Variants in MLIP observed in about 807,000 individuals in gnomAD.
MLIP encodes muscular LMNA interacting protein.
MLIP carries 79 observed loss-of-function variants against 84.8 expected under a neutral mutation model. The ratio of observed to expected loss-of-function variants is 0.93; its 90% confidence interval spans 0.78 to 1.12. MLIP has a LOEUF of 1.12. Among genes scored for constraint, MLIP ranks in the 50% most tolerant of loss-of-function variants. MLIP has a pLI of 0.00. For missense variants in MLIP, 1,257 were observed against 1,160.6 expected (o/e 1.08, Z -1.21); for synonymous variants, 504 against 463.0 (o/e 1.09, Z -1.14).
chr6:54,217,223 G>C (rs983415626), intron 11 of MLIP: 2 of 985,268 alleles, frequency 2.0e-6, no homozygotes, highest in Non-Finnish European at 2.4e-6. Context: ...GAGTGAAGAG[G>C]AAGTGAATTT....
intron 1 of MLIP, among the ~76,000 whole-genome samples, chr6:54,104,777 G>T (rs1414837175): frequency 3.3e-5 from 5 of 152,022 alleles, no homozygotes; most frequent in Non-Finnish European, 7.4e-5. Context: ...CTAAAAGAAG[G>T]CTCTGTGGAC....
At chr6:54,252,460 C>T (rs1427881899) in intron 12 of MLIP, among the ~76,000 whole-genome samples, 1 of 106,694 alleles carries the variant, frequency 9.4e-6, no homozygotes, top group Non-Finnish European at 1.9e-5. Context: ...TATATTATAA[C>T]ATATAATATA....
chr6:54,241,325 T>C (rs777652406), intron 12 of MLIP, among the ~76,000 whole-genome samples: 6 of 151,904 alleles, frequency 3.9e-5, no homozygotes, highest in Non-Finnish European at 7.4e-5. Flanking sequence ...TACTATAATA[T>C]AGTATATACT....
chr6:54,072,633 A>G (rs1766556148), intron 1 of MLIP, among the ~76,000 whole-genome samples: 1 of 152,104 alleles, frequency 6.6e-6, no homozygotes, highest in Non-Finnish European at 1.5e-5. Context: ...AATATTAGTA[A>G]TAGTATTCTG....
intron 1 of MLIP, among the ~76,000 whole-genome samples, chr6:54,035,751 T>C (rs967314074): frequency 6.6e-6 from 1 of 152,092 alleles, no homozygotes; most frequent in Non-Finnish European, 1.5e-5. Context: ...TTATTTGCCA[T>C]ATGTATATCT....
chr6:54,111,328 G>A (rs1448850087), upstream of MLIP: 19 of 1,312,488 alleles, frequency 1.4e-5, no homozygotes, highest in African/African-American at 9.0e-5. Context: ...TCTACTCTTC[G>A]GAGCTGACAC....
intron 12 of MLIP, among the ~76,000 whole-genome samples, chr6:54,252,597 A>C (rs1162586317): frequency 6.7e-6 from 1 of 149,664 alleles, no homozygotes; most frequent in African/African-American, 2.5e-5. Context: ...GATTATGTAC[A>C]TAATCATGAT....
intron 3 of MLIP, among the ~76,000 whole-genome samples, chr6:54,136,483 C>A (rs1197382312): frequency 6.6e-6 from 1 of 152,146 alleles, no homozygotes; most frequent in Non-Finnish European, 1.5e-5. Flanking sequence ...ACATTGATTT[C>A]ATTCTGTGGG....
chr6:54,217,195 G>A (rs967842765), intron 11 of MLIP: 149 of 985,278 alleles, frequency 1.5e-4, no homozygotes, highest in South Asian at 6.6e-4. Flanking sequence ...AAACCGCAGC[G>A]TGAAGAGGGG....
intron 12 of MLIP, among the ~76,000 whole-genome samples, chr6:54,249,778 CGT>C (rs1489059050): frequency 6.6e-6 from 1 of 151,546 alleles, no homozygotes; most frequent in Non-Finnish European, 1.5e-5. Flanking sequence ...CATGTATACA[CGT>C]GTGTGTATAT....
chr6:54,032,618 A>G (rs1764204041), intron 1 of MLIP, among the ~76,000 whole-genome samples: 1 of 152,060 alleles, frequency 6.6e-6, no homozygotes, highest in Non-Finnish European at 1.5e-5. Context: ...CAGTGGTGCA[A>G]TTTTGGCCCA....
Position 54,065,254 on chromosome 6 carries a change from G to T in MLIP, c.63+46163G>T, listed in dbSNP as rs1205248601. Reference sequence around the variant, plus strand: ...TTGATTCATGCTAAACGTCCAGAACGGTACCTGATAAATTCTTATATGTGT... The same window carrying T: ...TTGATTCATGCTAAACGTCCAGAACTGTACCTGATAAATTCTTATATGTGT... On this transcript the variant is annotated intron_variant, in intron 1 of 12. Coordinates refer to the MLIP transcript ENST00000274897. Among the ~76,000 whole-genome samples, 2 of 99,786 alleles carry T rather than the reference G, an allele frequency of 2.0e-5. 1 individual carries two copies. The highest frequency in any genetic ancestry group is 5.8e-5 in the Non-Finnish European group (2 of 34,712). The allele number at this position is 99,786 out of a possible 152,430, so 65.5% of individuals were successfully genotyped here.
At chr6:54,075,629 T>C (rs1360959277) in intron 1 of MLIP, among the ~76,000 whole-genome samples, 1 of 152,236 alleles carries the variant, frequency 6.6e-6, no homozygotes, top group Non-Finnish European at 1.5e-5. Context: ...ACTGGAAATG[T>C]TTAAAAAAAA....
At chr6:54,087,521 G>T in intron 1 of MLIP, among the ~76,000 whole-genome samples, 1 of 152,242 alleles carries the variant, frequency 6.6e-6, no homozygotes, top group African/African-American at 2.4e-5. Context: ...GTGGCAAAGA[G>T]GAATGAATCT....
At chr6:54,258,450 A>G (rs560222647) in intron 13 of MLIP, among the ~76,000 whole-genome samples, 1 of 152,202 alleles carries the variant, frequency 6.6e-6, no homozygotes, top group Non-Finnish European at 1.5e-5. Context: ...ATGCATTTAT[A>G]TCCTTGACCA....
chr6:54,143,282 A>G, intron 4 of MLIP, among the ~76,000 whole-genome samples: 1 of 150,354 alleles, frequency 6.7e-6, no homozygotes, highest in Non-Finnish European at 1.5e-5. Flanking sequence ...CAATGGCGCA[A>G]TCTCGGCTCA....
intron 5 of MLIP, 83 bp downstream of exon 5, chr6:54,149,210 T>A: frequency 7.7e-7 from 1 of 1,292,922 alleles, no homozygotes; most frequent in Non-Finnish European, 1.1e-6. Context: ...TTGGGAAGAT[T>A]TCTGTTTTAA....
Position 54,111,553 on chromosome 6 carries a change from G to A in MLIP, c.74G>A (p.Gly25Glu), listed in dbSNP as rs1769466467. The change falls in exon 1 of 14, where the codon GGG (glycine) becomes GAG (glutamate). Residue 25 changes from glycine to glutamate, a missense_variant. Coordinates refer to ENST00000502396, the MANE Select transcript of MLIP (RefSeq NM_001281747.2). ...CAAATGACCTCGTGCATCTTATCAG[G>A]GAGCATTCAGACCACACCCCAGGTA... ...YFQMTSCILSGSIQTTPQVSA... is the reference protein window; with the variant it reads ...YFQMTSCILSESIQTTPQVSA... The A allele has an allele frequency of 6.5e-7, 1 of 1,535,836 alleles. No individual in the cohort carries two copies. The highest frequency in any genetic ancestry group is 2.0e-5 in the Admixed American group (1 of 50,976).
At chr6:54,188,035 A>C (rs1481859062) in intron 9 of MLIP, among the ~76,000 whole-genome samples, 2 of 152,170 alleles carry the variant, frequency 1.3e-5, no homozygotes, top group African/African-American at 4.8e-5. Flanking sequence ...ACATTAACCT[A>C]GTTGGTATAG....
Sources: gnomAD v4.1 joint callset for allele counts (sites outside exome capture counted in the v4.1 genomes callset) on GRCh38, gnomAD v4.1.1 for gene constraint, MANE v1.5 for transcripts, NCBI Gene and HGNC (gene_info 2026-07-23, HGNC 2026-07-21) for gene names.